JAZF1: variants seen among roughly 807,000 people sequenced by gnomAD.
The protein encoded by JAZF1 is juxtaposed with another zinc finger protein 1.
Under a neutral mutation model 26.4 loss-of-function variants are expected in JAZF1, and 8 were observed. That is an observed-to-expected ratio of 0.30 (90% confidence interval 0.18 to 0.55). JAZF1 has a LOEUF of 0.55. Ranked by LOEUF, JAZF1 falls within the 20% of genes least tolerant of loss-of-function variation. The probability of loss-of-function intolerance (pLI) is 0.94; values close to 1 mark genes in which losing one functional copy is unlikely to be tolerated. For missense variants in JAZF1, 199 were observed against 322.0 expected (o/e 0.62, Z 2.92); for synonymous variants, 126 against 122.3 (o/e 1.03, Z -0.20).
rs901645580 is a variant in JAZF1 at position 28,167,401 on chromosome 7, A to G, written c.115+13062T>C. The stretch of plus-strand genomic sequence containing the variant: ...TCACCCCATCTTAGAGAGGAAGAAA[A>G]TGAGGCACAGGGAGGTTCTATAACT... On this transcript the variant is annotated intron_variant, in intron 1 of 4. Coordinates refer to ENST00000283928, the MANE Select transcript of JAZF1 (RefSeq NM_175061.4). 2.0e-5 allele frequency among the ~76,000 whole-genome samples: 3 copies of G among 152,234 alleles called. No individual in the cohort carries two copies. In the East Asian group the frequency reaches 5.8e-4, roughly 29 times the overall value.
intron 3 of JAZF1, among the ~76,000 whole-genome samples, chr7:27,847,537 T>C (rs899422183): frequency 3.3e-5 from 5 of 152,212 alleles, no homozygotes; most frequent in Admixed American, 1.3e-4. Flanking sequence ...CTGAAGAGAC[T>C]ATCCTTTCCC....
intron 2 of JAZF1, among the ~76,000 whole-genome samples, chr7:27,897,968 G>A (rs1166482253): frequency 2.0e-5 from 3 of 152,228 alleles, no homozygotes; most frequent in Admixed American, 6.5e-5. Context: ...TCAGAGGACT[G>A]TTGTGAGAGT....
chr7:27,874,931 C>G (rs1783649547), intron 3 of JAZF1, among the ~76,000 whole-genome samples: 1 of 151,236 alleles, frequency 6.6e-6, no homozygotes, highest in African/African-American at 2.5e-5. Context: ...CCGGGAGCTG[C>G]AGAAAAGACC....
intron 3 of JAZF1, among the ~76,000 whole-genome samples, chr7:27,864,513 G>A (rs1379204361): frequency 6.6e-6 from 1 of 152,158 alleles, no homozygotes; most frequent in African/African-American, 2.4e-5. Flanking sequence ...GCCCGGCTCA[G>A]AGCCTACTGC....
At chr7:27,954,707 A>T (rs1196280855) in intron 2 of JAZF1, among the ~76,000 whole-genome samples, 1 of 152,142 alleles carries the variant, frequency 6.6e-6, no homozygotes, top group African/African-American at 2.4e-5. Flanking sequence ...CCAATCTGTA[A>T]ACAAGGTCAC....
chr7:27,947,316 A>G (rs942033647), intron 2 of JAZF1, among the ~76,000 whole-genome samples: 1 of 152,232 alleles, frequency 6.6e-6, no homozygotes, highest in Non-Finnish European at 1.5e-5. Context: ...TTCCAAGATT[A>G]AAATAACTGC....
At chr7:28,151,115 T>A (rs1053131388) in intron 1 of JAZF1, among the ~76,000 whole-genome samples, 19 of 59,386 alleles carry the variant, frequency 3.2e-4, no homozygotes, top group Non-Finnish European at 9.6e-4. Context: ...ATATATATTT[T>A]TTTTTTGAGA....
At chr7:27,946,514 C>T (rs1784926327) in intron 2 of JAZF1, among the ~76,000 whole-genome samples, 1 of 152,132 alleles carries the variant, frequency 6.6e-6, no homozygotes, top group African/African-American at 2.4e-5. Flanking sequence ...CCCCAATGAC[C>T]AACTGATTTT....
intron 1 of JAZF1, among the ~76,000 whole-genome samples, chr7:28,164,233 G>A (rs1029462704): frequency 2.6e-5 from 4 of 152,232 alleles, no homozygotes; most frequent in African/African-American, 9.6e-5. Context: ...TGCCCCTGCA[G>A]ACCAGATAGC....
chr7:27,979,261 T>TA (rs1785532038), intron 2 of JAZF1, among the ~76,000 whole-genome samples: 1 of 152,008 alleles, frequency 6.6e-6, no homozygotes, highest in Non-Finnish European at 1.5e-5. Flanking sequence ...TATATATATA[T>TA]TTTTAAGGTA....
At chr7:28,039,173 T>C (rs1484787167) in intron 1 of JAZF1, among the ~76,000 whole-genome samples, 1 of 152,208 alleles carries the variant, frequency 6.6e-6, no homozygotes, top group East Asian at 1.9e-4. Context: ...TACTTAGCCC[T>C]CCTTGGTGCA....
chr7:28,117,921 A>G (rs1258242473), intron 1 of JAZF1, among the ~76,000 whole-genome samples: 1 of 152,194 alleles, frequency 6.6e-6, no homozygotes, highest in Non-Finnish European at 1.5e-5. Context: ...GCAATACAAC[A>G]CAATTAAAGT....
chr7:28,009,591 C>T lies in JAZF1; in HGVS notation c.116-17610G>A, dbSNP rs553352976. Among the ~76,000 whole-genome samples the T allele has an allele frequency of 2.4e-4, 36 of 152,000 alleles. No homozygotes were observed. The East Asian group carries it at 6.6e-3, about 28-fold the overall frequency. On this transcript the variant is annotated intron_variant, in intron 1 of 4. Coordinates refer to ENST00000283928, the MANE Select transcript of JAZF1 (RefSeq NM_175061.4). ...CTCCGCCTCCCAGGTTCAAGCAATTCTCCTGCCTCAGCCTCCCGAGTAGGT... is the reference window on the plus strand; with the variant it reads ...CTCCGCCTCCCAGGTTCAAGCAATTTTCCTGCCTCAGCCTCCCGAGTAGGT...
At chr7:27,905,550 CTTTTTAT>C (rs1003558942) in intron 2 of JAZF1, among the ~76,000 whole-genome samples, 1 of 149,010 alleles carries the variant, frequency 6.7e-6, no homozygotes, top group Non-Finnish European at 1.5e-5. Context: ...ATTTATTTTT[CTTTTTAT>C]TTTTTATTTT....
rs981289661 is a variant in JAZF1 at position 28,113,684 on chromosome 7, G to A, written c.115+66779C>T. Among the ~76,000 whole-genome samples, 34 of 152,194 alleles carry A rather than the reference G, an allele frequency of 2.2e-4. 1 individual carries two copies. The highest frequency in any genetic ancestry group is 1.5e-4 in the Non-Finnish European group (10 of 68,038). On this transcript the variant is annotated intron_variant, in intron 1 of 4. Transcript: ENST00000283928. ...TACTCAATAATGAGGGCTTAAAGAT[G>A]TGAAGTAGCTTGCGAAGTCCACACC...
At chr7:27,962,125 C>T (rs1785195251) in intron 2 of JAZF1, among the ~76,000 whole-genome samples, 1 of 152,160 alleles carries the variant, frequency 6.6e-6, no homozygotes, top group Admixed American at 6.5e-5. Flanking sequence ...TGAGAGTCTT[C>T]ATGTACAACA....
rs183182577 is a variant in JAZF1 at position 27,874,431 on chromosome 7, T to C, written c.385+20789A>G. 1.6e-3 allele frequency among the ~76,000 whole-genome samples: 242 copies of C among 152,292 alleles called. 1 individual carries two copies. The highest frequency in any genetic ancestry group is 5.4e-3 in the African/African-American group (226 of 41,572). ...AAAACCAGAAGTGCAGAGGGAGCTG[T>C]CATGTTATTCCTGGCCCAACGAGAG... On this transcript the variant is annotated intron_variant, in intron 3 of 4. Transcript: ENST00000283928.
In JAZF1 at chr7:27,895,300, C is replaced by T; in HGVS notation, c.305G>A (p.Arg102His). 6.2e-7 allele frequency: 1 copy of T among 1,606,706 alleles called. No individual in the cohort carries two copies. The highest frequency in any genetic ancestry group is 8.5e-7 in the Non-Finnish European group (1 of 1,175,284). Residue 102 changes from arginine to histidine, a missense_variant, in exon 3 of 5, where the codon CGC becomes CAC. By Grantham distance (29) the Arg-to-His change is conservative. Transcript: ENST00000283928. Reference sequence around the variant, plus strand: ...GGGAGTAAGGCTTCCACTGCTGTGGCGTGGGGGAGTGGACACATTCCCTCG... The same window carrying T: ...GGGAGTAAGGCTTCCACTGCTGTGGTGTGGGGGAGTGGACACATTCCCTCG... ...VSRGNVSTPP[R>H]HSSGSLTPPV...
chr7:27,937,991 A>G (rs1166966704), intron 2 of JAZF1, among the ~76,000 whole-genome samples: 2 of 152,186 alleles, frequency 1.3e-5, no homozygotes, highest in Non-Finnish European at 2.9e-5. Flanking sequence ...ACATCTTTTC[A>G]GGTCAGTACA....
Sources: allele counts gnomAD v4.1 joint callset (sites outside exome capture counted in the v4.1 genomes callset), GRCh38; gene constraint gnomAD v4.1.1; transcripts MANE v1.5; gene names NCBI Gene and HGNC (gene_info 2026-07-23, HGNC 2026-07-21).